Variants in ITGAV observed in about 807,000 individuals in gnomAD.
ITGAV encodes integrin alpha-V.
ITGAV carries 76 observed loss-of-function variants against 143.8 expected under a neutral mutation model. That is an observed-to-expected ratio of 0.53 (90% CI 0.44 to 0.64). The LOEUF (loss-of-function observed/expected upper bound fraction) is 0.64. ITGAV is among the 30% of genes least tolerant of loss of function. The probability of loss-of-function intolerance (pLI) is 0.00; values close to 1 mark genes in which losing one functional copy is unlikely to be tolerated. For missense variants in ITGAV, 1,193 were observed against 1,274.7 expected, an observed-to-expected ratio of 0.94 and a Z score of 0.98; for synonymous variants, 453 against 446.7, an observed-to-expected ratio of 1.01 and a Z score of -0.18.
intron 3 of ITGAV, among the ~76,000 whole-genome samples, chr2:186,624,857 T>C (rs1454958790): frequency 1.3e-5 from 2 of 152,152 alleles, no homozygotes; most frequent in Non-Finnish European, 2.9e-5. Flanking sequence ...GCATGAGTGT[T>C]ACTTAGTTCA....
intron 29 of ITGAV, 92 bp from the exon 30 acceptor site, chr2:186,677,105 A>C: frequency 2.4e-6 from 3 of 1,267,934 alleles, no homozygotes; most frequent in Non-Finnish European, 3.4e-6. Context: ...AATACAATTT[A>C]AATGTTCTTA....
At chr2:186,637,210 T>A in intron 8 of ITGAV, 101 bp downstream of exon 8, 1 of 932,394 alleles carries the variant, frequency 1.1e-6, no homozygotes, top group Non-Finnish European at 1.7e-6. Flanking sequence ...GGCTGGGTGC[T>A]GTGGCTGCAG....
At chr2:186,622,083 A>G (rs762133721) in intron 2 of ITGAV, among the ~76,000 whole-genome samples, 3 of 152,208 alleles carry the variant, frequency 2.0e-5, no homozygotes, top group African/African-American at 4.8e-5. Context: ...TTTATTTACA[A>G]TTGCTTTTTC....
chr2:186,602,974 A>G (rs773434667), intron 2 of ITGAV, among the ~76,000 whole-genome samples: 7 of 151,804 alleles, frequency 4.6e-5, no homozygotes, highest in Non-Finnish European at 5.9e-5. Context: ...AAAATTATAT[A>G]TTATGGTTCT....
intron 2 of ITGAV, among the ~76,000 whole-genome samples, chr2:186,620,451 A>G (rs1044010262): frequency 6.6e-6 from 1 of 152,196 alleles, no homozygotes; most frequent in Non-Finnish European, 1.5e-5. Context: ...GAAGGATAAG[A>G]GAACTCTTCC....
intron 1 of ITGAV, among the ~76,000 whole-genome samples, chr2:186,596,242 C>T (rs1686745956): frequency 6.6e-6 from 1 of 152,296 alleles, no homozygotes; most frequent in East Asian, 1.9e-4. Flanking sequence ...GTTACTGCTT[C>T]AATTGATTTG....
intron 18 of ITGAV, among the ~76,000 whole-genome samples, chr2:186,659,485 A>G (rs1415163580): frequency 1.3e-5 from 2 of 152,014 alleles, no homozygotes; most frequent in Non-Finnish European, 2.9e-5. Flanking sequence ...GTATTTTAGT[A>G]TTTTGCTAAA....
intron 4 of ITGAV, among the ~76,000 whole-genome samples, chr2:186,628,377 TA>T (rs1687731790): frequency 6.6e-6 from 1 of 152,132 alleles, no homozygotes; most frequent in Admixed American, 6.6e-5. Context: ...ACCTGACTTA[TA>T]TGGACACCGT....
intron 2 of ITGAV, among the ~76,000 whole-genome samples, chr2:186,610,347 G>A (rs893316607): frequency 3.9e-5 from 6 of 152,076 alleles, no homozygotes; most frequent in Non-Finnish European, 5.9e-5. Flanking sequence ...ATTTGCAAAA[G>A]TTATCTCCAA....
chr2:186,646,868 G>A lies in ITGAV; in HGVS notation c.1342G>A (p.Gly448Arg). 1 of 1,580,570 alleles carries A rather than the reference G, an allele frequency of 6.3e-7. No homozygotes were observed. The highest frequency in any genetic ancestry group is 8.6e-7 in the Non-Finnish European group (1 of 1,157,646). ...AGGAGCCACAGATATAGACAAAAAT[G>A]GATATCCAGGTGCTTTCTTATCAAC... ...MKGATDIDKN[G>R]YPDLIVGAFG... The change falls in exon 13 of 30, where the codon GGA (glycine) becomes AGA (arginine). Residue 448 changes from glycine (G) to arginine (R), a missense_variant. Gly to Arg is a moderately radical substitution (Grantham distance 125). Coordinates refer to ENST00000261023, the MANE Select transcript of ITGAV (RefSeq NM_002210.5).
At chr2:186,672,888 G>A (rs976272497) in intron 26 of ITGAV, among the ~76,000 whole-genome samples, 5 of 152,010 alleles carry the variant, frequency 3.3e-5, no homozygotes, top group Non-Finnish European at 7.4e-5. Flanking sequence ...CTTTCTTGAT[G>A]GTGTCCTTTA....
intron 21 of ITGAV, 24 bp from the exon 22 acceptor site, chr2:186,666,680 A>G (rs753178778): frequency 2.2e-6 from 3 of 1,395,070 alleles, no homozygotes; most frequent in South Asian, 3.2e-5. Flanking sequence ...GACTAGCATT[A>G]CTATCTTTTC....
At chr2:186,592,332 G>A (rs1003715331) in intron 1 of ITGAV, among the ~76,000 whole-genome samples, 2 of 152,118 alleles carry the variant, frequency 1.3e-5, no homozygotes, top group Non-Finnish European at 2.9e-5. Flanking sequence ...CTCGCTCTGC[G>A]GGAGGCTGAG....
At chr2:186,661,172 A>G (rs1354694589) in intron 18 of ITGAV, among the ~76,000 whole-genome samples, 2 of 152,200 alleles carry the variant, frequency 1.3e-5, no homozygotes, top group East Asian at 3.8e-4. Flanking sequence ...ACTGTCTTCA[A>G]AATCCAGAAT....
chr2:186,611,924 T>C (rs1179242765), intron 2 of ITGAV, among the ~76,000 whole-genome samples: 1 of 152,022 alleles, frequency 6.6e-6, no homozygotes, highest in Non-Finnish European at 1.5e-5. Context: ...TTAAAAAAGG[T>C]AATGTCTATG....
rs1328555799 is a variant in ITGAV, at chr2:186,678,719, A to C, written c.*1427A>C. 4.4e-6 allele frequency: 2 copies of C among 455,658 alleles called. No individual in the cohort carries two copies. The highest frequency in any genetic ancestry group is 6.9e-5 in the East Asian group (1 of 14,400). The allele number at this position is 455,658 out of a possible 1,614,324, so 28.2% of individuals were successfully genotyped here. On this transcript the variant is annotated 3_prime_UTR_variant, in exon 30 of 30. Coordinates refer to ENST00000261023, the MANE Select transcript of ITGAV (RefSeq NM_002210.5). ...TCCTCAAGGCCTGGGGATGATGATC[A>C]GTTATACCTATTTTTGTGCAATTAC...
intron 1 of ITGAV, among the ~76,000 whole-genome samples, chr2:186,596,452 CTTTT>C (rs368936394): frequency 7.3e-6 from 1 of 136,372 alleles, no homozygotes; most frequent in Non-Finnish European, 1.6e-5. Context: ...GTATGTGTTG[CTTTT>C]TTTTTTTTTT....
Position 186,656,349 on chromosome 2 carries a change from C to G in ITGAV, c.1667C>G (p.Thr556Ser). ...TCCCCAAGTCACTCCAAGAACATGA[C>G]TATTTCAAGGGGGGGACTGATGCAG... ...SRSPSHSKNM[T>S]ISRGGLMQCE... The change falls in exon 17 of 30, where the codon ACT (threonine) becomes AGT (serine). Residue 556 changes from threonine (T) to serine (S), a missense_variant. Transcript: ENST00000261023. 1 of 1,562,590 alleles carries G rather than the reference C, an allele frequency of 6.4e-7. No individual in the cohort carries two copies. The highest frequency in any genetic ancestry group is 8.6e-7 in the Non-Finnish European group (1 of 1,160,392).
At chr2:186,652,381 G>T (rs563607437) in intron 15 of ITGAV, among the ~76,000 whole-genome samples, 37 of 151,922 alleles carry the variant, frequency 2.4e-4, no homozygotes, top group Non-Finnish European at 4.7e-4. Flanking sequence ...TTAGAGATGG[G>T]GTCTCCCTAT....
Sources: allele counts gnomAD v4.1 joint callset (sites outside exome capture counted in the v4.1 genomes callset), GRCh38; gene constraint gnomAD v4.1.1; transcripts MANE v1.5; gene names NCBI Gene and HGNC (gene_info 2026-07-23, HGNC 2026-07-21).